SEZ6L: variants seen among roughly 807,000 people sequenced by gnomAD.
The protein encoded by SEZ6L is seizure 6-like protein.
A neutral mutation model predicts 106.2 loss-of-function variants in SEZ6L; 37 were observed. The ratio of observed to expected loss-of-function variants is 0.35; its 90% CI spans 0.27 to 0.46. SEZ6L has a LOEUF of 0.46. SEZ6L is among the 20% of genes least tolerant of loss of function. SEZ6L has a pLI of 1.00. For synonymous variants in SEZ6L, 541 were observed against 570.4 expected (o/e 0.95, Z 0.73); for missense variants, 1,172 against 1,332.8 (o/e 0.88, Z 1.88).
intron 5 of SEZ6L, among the ~76,000 whole-genome samples, chr22:26,302,256 C>G (rs2081477888): frequency 6.6e-6 from 1 of 152,154 alleles, no homozygotes; most frequent in Non-Finnish European, 1.5e-5. Context: ...GAGCCCCATG[C>G]AAAACCAAAT....
intron 13 of SEZ6L, among the ~76,000 whole-genome samples, chr22:26,370,182 A>G (rs978991817): frequency 1.3e-5 from 2 of 152,104 alleles, no homozygotes; most frequent in Admixed American, 6.5e-5. Flanking sequence ...GGAGTTCGAG[A>G]CCATCCTGGC....
chr22:26,310,923 C>T lies in SEZ6L; in HGVS notation c.1681+87C>T, dbSNP rs2081807376. ...AAGCATGGGGAGATAGAAATCTGGG[C>T]TGCGAAGGATGTGGGAAATCCCATG... is the stretch of plus-strand genomic sequence containing the variant. On this transcript the variant is annotated intron_variant, in intron 7 of 16. Transcript: ENST00000248933. 3.0e-6 allele frequency: 4 copies of T among 1,348,704 alleles called. No homozygotes were observed. The Admixed American group carries it at 7.8e-5, about 26-fold the overall frequency. 83.5% of individuals were successfully genotyped at this position (1,348,704 alleles called of 1,614,324 possible).
intron 5 of SEZ6L, 75 bp downstream of exon 5, chr22:26,299,244 G>C: frequency 2.5e-6 from 3 of 1,205,944 alleles, no homozygotes; most frequent in Non-Finnish European, 3.2e-6. Context: ...AGGACACCGA[G>C]AGTGACCTCA....
intron 10 of SEZ6L, among the ~76,000 whole-genome samples, chr22:26,340,868 GC>G (rs2082808948): frequency 6.6e-6 from 1 of 152,150 alleles, no homozygotes; most frequent in Non-Finnish European, 1.5e-5. Context: ...ACCTCTCTGA[GC>G]CTTCTTTTTG....
intron 1 of SEZ6L, among the ~76,000 whole-genome samples, chr22:26,245,599 C>T (rs1035627493): frequency 6.6e-6 from 1 of 152,164 alleles, no homozygotes; most frequent in African/African-American, 2.4e-5. Flanking sequence ...GTACACAATG[C>T]CTGGGTCAGG....
chr22:26,368,599 T>A (rs1461099958), intron 13 of SEZ6L, among the ~76,000 whole-genome samples: 1 of 152,178 alleles, frequency 6.6e-6, no homozygotes, highest in African/African-American at 2.4e-5. Flanking sequence ...GACTGCTTAC[T>A]GAGTATGGGG....
rs1263793581 is a variant in SEZ6L at position 26,318,089 on chromosome 22, T to G, written c.2015+4187T>G. On this transcript the variant is annotated intron_variant, in intron 9 of 16. Transcript: ENST00000248933. ...TTTATTTTATTTTATTTTATTTTAT[T>G]TTTTGTGATAGAGTCTCACTGTCAC... Among the ~76,000 whole-genome samples, 15 of 148,464 alleles carry G rather than the reference T, an allele frequency of 1.0e-4. 1 individual carries two copies. The highest frequency in any genetic ancestry group is 8.8e-4 in the Admixed American group (13 of 14,772).
chr22:26,222,357 C>A (rs1053150259), intron 1 of SEZ6L, among the ~76,000 whole-genome samples: 9 of 152,224 alleles, frequency 5.9e-5, no homozygotes, highest in African/African-American at 2.2e-4. Flanking sequence ...CAAGGTCACA[C>A]TGCAAGGCAG....
At chr22:26,343,976 C>G (rs1313363215) in intron 10 of SEZ6L, among the ~76,000 whole-genome samples, 1 of 152,180 alleles carries the variant, frequency 6.6e-6, no homozygotes, top group Non-Finnish European at 1.5e-5. Flanking sequence ...ATTAGTGATG[C>G]CTGCCATGGG....
intron 1 of SEZ6L, among the ~76,000 whole-genome samples, chr22:26,224,940 T>A (rs983616432): frequency 1.3e-5 from 2 of 152,172 alleles, no homozygotes; most frequent in African/African-American, 4.8e-5. Flanking sequence ...AGAAAATCTG[T>A]TTTAGATGTG....
chr22:26,376,893 A>G (rs1302203821), intron 15 of SEZ6L, among the ~76,000 whole-genome samples: 2 of 152,228 alleles, frequency 1.3e-5, no homozygotes, highest in East Asian at 3.8e-4. Context: ...GGGGCAGGGT[A>G]GAGTAAATAC....
At chr22:26,202,476 T>C (rs1335196569) in intron 1 of SEZ6L, among the ~76,000 whole-genome samples, 1 of 152,210 alleles carries the variant, frequency 6.6e-6, no homozygotes, top group Non-Finnish European at 1.5e-5. Flanking sequence ...GTCTATGGAA[T>C]GTTCCTAACC....
intron 13 of SEZ6L, among the ~76,000 whole-genome samples, chr22:26,369,017 C>T (rs933002450): frequency 6.6e-6 from 1 of 151,938 alleles, no homozygotes; most frequent in Non-Finnish European, 1.5e-5. Flanking sequence ...CACACATTCC[C>T]GAATCTAACC....
chr22:26,272,749 T>C (rs1297004130), intron 1 of SEZ6L, among the ~76,000 whole-genome samples: 1 of 152,242 alleles, frequency 6.6e-6, no homozygotes, highest in African/African-American at 2.4e-5. Flanking sequence ...ATTCATTTTA[T>C]TTTGTGAAAG....
At chr22:26,259,842 A>G (rs2079942379) in intron 1 of SEZ6L, among the ~76,000 whole-genome samples, 1 of 152,246 alleles carries the variant, frequency 6.6e-6, no homozygotes, top group Admixed American at 6.5e-5. Flanking sequence ...TTATTGATGA[A>G]AAGCTTGTGA....
At chr22:26,210,078 C>T (rs558304962) in intron 1 of SEZ6L, among the ~76,000 whole-genome samples, 12 of 151,836 alleles carry the variant, frequency 7.9e-5, no homozygotes, top group African/African-American at 2.9e-4. Context: ...CAAAAAATAT[C>T]ATTTGTTTGT....
chr22:26,175,642 AAG>A (rs1569354315), intron 1 of SEZ6L, among the ~76,000 whole-genome samples: 1 of 152,126 alleles, frequency 6.6e-6, no homozygotes, highest in Non-Finnish European at 1.5e-5. Context: ...GACCTCGTAA[AAG>A]AGAGTGAGCA....
At chr22:26,317,459 A>C (rs1457528225) in intron 9 of SEZ6L, among the ~76,000 whole-genome samples, 1 of 151,588 alleles carries the variant, frequency 6.6e-6, no homozygotes, top group East Asian at 1.9e-4. Flanking sequence ...GGAGCCTCCC[A>C]GATGGGTGGT....
chr22:26,229,106 C>T (rs778945303), intron 1 of SEZ6L, among the ~76,000 whole-genome samples: 7 of 152,210 alleles, frequency 4.6e-5, no homozygotes, highest in Non-Finnish European at 1.0e-4. Context: ...AAGCGATTCT[C>T]CTGCCTCAGC....
Sources: allele counts gnomAD v4.1 joint callset (sites outside exome capture counted in the v4.1 genomes callset), GRCh38; gene constraint gnomAD v4.1.1; transcripts MANE v1.5; gene names NCBI Gene and HGNC (gene_info 2026-07-23, HGNC 2026-07-21).